The following NBEA variants were observed in gnomAD, a reference collection of about 807,000 sequenced individuals.
The protein encoded by NBEA is lysosomal-trafficking regulator 2.
A neutral mutation model predicts 343.4 loss-of-function variants in NBEA; 44 were observed. The observed-to-expected ratio is 0.13, with a 90% confidence interval of 0.10 to 0.16. NBEA has a LOEUF of 0.16. Ranked by LOEUF, NBEA falls within the 10% of genes least tolerant of loss-of-function variation. NBEA has a pLI of 1.00. For synonymous variants in NBEA, 1,175 were observed against 1,238.7 expected (o/e 0.95, Z 1.08); for missense variants, 2,555 against 3,631.3 (o/e 0.70, Z 7.62).
intron 38 of NBEA, among the ~76,000 whole-genome samples, chr13:35,398,870 A>G (rs1186058920): frequency 6.6e-6 from 1 of 152,108 alleles, no homozygotes; most frequent in Non-Finnish European, 1.5e-5. Flanking sequence ...TTGAAGCTTT[A>G]AAGCCAAGCA....
intron 39 of NBEA, among the ~76,000 whole-genome samples, chr13:35,442,428 C>T (rs1390193313): frequency 6.6e-6 from 1 of 152,008 alleles, no homozygotes; most frequent in African/African-American, 2.4e-5. Flanking sequence ...AAAATCCTGT[C>T]GAGTAATATC....
chr13:34,946,527 A>G (rs2059188839), intron 1 of NBEA, among the ~76,000 whole-genome samples: 1 of 152,008 alleles, frequency 6.6e-6, no homozygotes, highest in African/African-American at 2.4e-5. Context: ...TCTTATGTGT[A>G]TAGTATAATT....
intron 28 of NBEA, 117 bp downstream of exon 28, chr13:35,177,220 GT>G (rs1376143511): frequency 2.8e-6 from 2 of 703,896 alleles, no homozygotes; most frequent in Non-Finnish European, 4.8e-6. Flanking sequence ...GGGATTGTTG[GT>G]TTATTGCATA....
At chr13:35,038,659 C>A (rs1002961873) in intron 1 of NBEA, among the ~76,000 whole-genome samples, 3 of 152,084 alleles carry the variant, frequency 2.0e-5, no homozygotes, top group African/African-American at 7.2e-5. Flanking sequence ...GAAATGTCAT[C>A]CCAGAGCTAG....
intron 45 of NBEA, among the ~76,000 whole-genome samples, chr13:35,568,111 T>C (rs1234466268): frequency 1.3e-5 from 2 of 152,242 alleles, no homozygotes; most frequent in East Asian, 3.8e-4. Flanking sequence ...ACTTGGCACA[T>C]AGAAGCACTT....
Position 35,530,437 on chromosome 13 carries a change from T to TA in NBEA, c.6586-20035dup, listed in dbSNP as rs2078204884. Among the ~76,000 whole-genome samples the TA allele has an allele frequency of 2.2e-5, 3 of 137,856 alleles. No homozygotes were observed. The South Asian group carries it at 6.6e-4, about 30-fold the overall frequency. The allele number at this position is 137,856 out of a possible 152,430, so 90.4% of individuals were successfully genotyped here. On this transcript the variant is annotated intron_variant, in intron 41 of 58. Coordinates refer to ENST00000379939, the MANE Select transcript of NBEA (RefSeq NM_001385012.1). ...TAGATGGTGTTTTCTACAGCTGGGC[T>TA]AAAAATAAATAAATAAATAAAAAGT... is the stretch of plus-strand genomic sequence containing the variant.
At chr13:35,298,209 GTGTATATATATATATA>G (rs1481178368) in intron 35 of NBEA, among the ~76,000 whole-genome samples, 1,101 of 60,828 alleles carry the variant, frequency 0.018, 23 homozygotes, top group African/African-American at 0.042. Flanking sequence ...GTGTGTGTGT[GTGTATATATATATATA>G]TATATATATA....
chr13:34,954,645 G>A (rs1245294967), intron 1 of NBEA, among the ~76,000 whole-genome samples: 1 of 152,130 alleles, frequency 6.6e-6, no homozygotes, highest in African/African-American at 2.4e-5. Context: ...GACCCCTCAG[G>A]ATACCAAAAT....
intron 5 of NBEA, among the ~76,000 whole-genome samples, chr13:35,049,048 A>G (rs2062967425): frequency 1.3e-5 from 2 of 151,794 alleles, no homozygotes; most frequent in Admixed American, 1.3e-4. Context: ...TTGCCTTTTC[A>G]CTTACTTTGT....
intron 24 of NBEA, among the ~76,000 whole-genome samples, chr13:35,167,167 T>G (rs1041738006): frequency 6.6e-6 from 1 of 152,016 alleles, no homozygotes; most frequent in African/African-American, 2.4e-5. Flanking sequence ...TTAGGTTTCA[T>G]TGGCAGTATT....
At chr13:35,562,691 T>C (rs2079916990) in intron 44 of NBEA, among the ~76,000 whole-genome samples, 1 of 152,106 alleles carries the variant, frequency 6.6e-6, no homozygotes, top group Non-Finnish European at 1.5e-5. Flanking sequence ...AACTGCTTGC[T>C]TCTAGAAAAA....
At chr13:35,208,988 A>G (rs2073586319) in intron 32 of NBEA, 134 bp downstream of exon 32, 1 of 759,224 alleles carries the variant, frequency 1.3e-6, no homozygotes, top group African/African-American at 1.8e-5. Flanking sequence ...GTTATATTTT[A>G]TGTTATGACT....
At position 35,196,067 on chromosome 13, in the gene NBEA, G is replaced by A. The variant is rs528524315; in HGVS notation, c.5131G>A (p.Val1711Met). The A allele has an allele frequency of 8.0e-5, 129 of 1,613,642 alleles. 3 individuals are homozygous for A. In the South Asian group the frequency reaches 1.2e-3, roughly 15 times the overall value. Residue 1711 changes from valine (V) to methionine (M), a missense_variant, in exon 31 of 59, where the codon GTG (valine) becomes ATG (methionine). Val to Met is a conservative substitution (Grantham distance 21). Coordinates refer to ENST00000379939, the MANE Select transcript of NBEA (RefSeq NM_001385012.1). Reference protein sequence around the residue: ...SELLSTLSSEVKKSQESLTEN... With the variant: ...SELLSTLSSEMKKSQESLTEN... ...ACTCTTATCCACTTTGTCATCCGAAGTGAAGAAATCACAAGAGAGCTTAAC... is the reference window on the plus strand; with the variant it reads ...ACTCTTATCCACTTTGTCATCCGAAATGAAGAAATCACAAGAGAGCTTAAC...
rs374648350 is a variant in NBEA, at chr13:35,534,596, A to G, written c.6586-15881A>G. On this transcript the variant is annotated intron_variant, in intron 41 of 58. Transcript: ENST00000379939. ...TCTGGACAGCCTCTTGCCTGTAGACATGTGACCTCTGTACTTGGAGTGGAA... is the reference window on the plus strand; with the variant it reads ...TCTGGACAGCCTCTTGCCTGTAGACGTGTGACCTCTGTACTTGGAGTGGAA... Among the ~76,000 whole-genome samples the G allele has an allele frequency of 4.6e-5, 7 of 152,314 alleles. No homozygotes were observed. The South Asian group carries it at 1.0e-3, about 23-fold the overall frequency.
At chr13:35,171,055 A>C in intron 25 of NBEA, 1 of 673,252 alleles carries the variant, frequency 1.5e-6, no homozygotes, top group East Asian at 2.9e-5. Flanking sequence ...GTTGATTTTA[A>C]AATGGGCTTT....
At chr13:35,103,183 A>T (rs1470076212) in intron 11 of NBEA, among the ~76,000 whole-genome samples, 1 of 151,696 alleles carries the variant, frequency 6.6e-6, no homozygotes, top group Non-Finnish European at 1.5e-5. Context: ...TTCAGATTTT[A>T]AACCTTCCTT....
At chr13:35,412,471 A>G (rs746233972) in intron 38 of NBEA, among the ~76,000 whole-genome samples, 13 of 152,018 alleles carry the variant, frequency 8.6e-5, no homozygotes, top group South Asian at 2.1e-4. Context: ...CTTTCCTTCA[A>G]TTTGGCAAAA....
At chr13:35,571,075 A>G (rs2080388327) in intron 45 of NBEA, among the ~76,000 whole-genome samples, 1 of 152,200 alleles carries the variant, frequency 6.6e-6, no homozygotes, top group South Asian at 2.1e-4. Flanking sequence ...TTTCTAAACA[A>G]ACACTGGGAC....
intron 34 of NBEA, among the ~76,000 whole-genome samples, chr13:35,255,034 A>C (rs1224952040): frequency 2.0e-5 from 3 of 152,348 alleles, no homozygotes; most frequent in Non-Finnish European, 4.4e-5. Context: ...TGAAAACTAA[A>C]AAATAAAATG....
Sources: allele counts gnomAD v4.1 joint callset (sites outside exome capture counted in the v4.1 genomes callset), GRCh38; gene constraint gnomAD v4.1.1; transcripts MANE v1.5; gene names NCBI Gene and HGNC (gene_info 2026-07-23, HGNC 2026-07-21).